The following C8orf34 variants were observed in gnomAD, a reference collection of about 807,000 sequenced individuals.
C8orf34 encodes the protein chromosome 8 open reading frame 34.
C8orf34 carries 65 observed loss-of-function variants against 68.3 expected under a neutral mutation model. That is an observed-to-expected ratio of 0.95 (90% CI 0.78 to 1.17). C8orf34 has a LOEUF of 1.17. Among genes scored for constraint, C8orf34 ranks in the 50% most tolerant of loss-of-function variants. The pLI is 0.00. For synonymous variants in C8orf34, 244 were observed against 241.2 expected, an observed-to-expected ratio of 1.01 and a Z score of -0.11; for missense variants, 664 against 655.4, an observed-to-expected ratio of 1.01 and a Z score of -0.14.
intron 7 of C8orf34, among the ~76,000 whole-genome samples, chr8:68,598,271 A>G (rs751528281): frequency 7.2e-5 from 11 of 152,180 alleles, no homozygotes; most frequent in Non-Finnish European, 1.6e-4. Context: ...GTAGTCAGCA[A>G]TACATTACCC....
At chr8:68,404,073 T>G (rs1380560434) in intron 1 of C8orf34, among the ~76,000 whole-genome samples, 1 of 152,252 alleles carries the variant, frequency 6.6e-6, no homozygotes, top group Admixed American at 6.5e-5. Context: ...CCATTCTTAC[T>G]GGCGTGAGAT....
chr8:68,772,709 T>C (rs927816367), intron 10 of C8orf34, among the ~76,000 whole-genome samples: 3 of 134,582 alleles, frequency 2.2e-5, no homozygotes, highest in African/African-American at 3.0e-5. Context: ...CTCCCTCTCT[T>C]TCTTTCTTTC....
chr8:68,815,353 C>T (rs1004468794), intron 12 of C8orf34, among the ~76,000 whole-genome samples: 19 of 151,284 alleles, frequency 1.3e-4, no homozygotes, highest in Non-Finnish European at 2.5e-4. Flanking sequence ...TGGGTACACA[C>T]ATATATATAT....
At chr8:68,634,109 T>C (rs1585647231) in intron 7 of C8orf34, among the ~76,000 whole-genome samples, 1 of 152,160 alleles carries the variant, frequency 6.6e-6, no homozygotes, top group Admixed American at 6.5e-5. Context: ...ATAAATAATA[T>C]GGGAAGGCTT....
At chr8:68,650,640 C>T (rs372864971) in intron 8 of C8orf34, among the ~76,000 whole-genome samples, 3,284 of 151,806 alleles carry the variant, frequency 0.022, 127 homozygotes, top group African/African-American at 0.072. Flanking sequence ...CCACCACGCC[C>T]GGCTAATTTT....
At chr8:68,600,852 G>A (rs1178877559) in intron 7 of C8orf34, among the ~76,000 whole-genome samples, 1 of 152,082 alleles carries the variant, frequency 6.6e-6, no homozygotes, top group Non-Finnish European at 1.5e-5. Flanking sequence ...TCAAACCTTA[G>A]AACTTGCTCC....
At chr8:68,513,147 C>T (rs2129633477) in intron 5 of C8orf34, among the ~76,000 whole-genome samples, 1 of 152,282 alleles carries the variant, frequency 6.6e-6, no homozygotes, top group Non-Finnish European at 1.5e-5. Context: ...TGCATTTTAC[C>T]AATAACCTTT....
At chr8:68,581,706 C>G (rs1471237340) in intron 7 of C8orf34, among the ~76,000 whole-genome samples, 1 of 152,132 alleles carries the variant, frequency 6.6e-6, no homozygotes, top group Non-Finnish European at 1.5e-5. Flanking sequence ...GTCCTGCGGT[C>G]CCAAAGCTGG....
At chr8:68,639,433 G>T (rs1818938706) in intron 7 of C8orf34, among the ~76,000 whole-genome samples, 1 of 152,004 alleles carries the variant, frequency 6.6e-6, no homozygotes, top group East Asian at 1.9e-4. Flanking sequence ...ACACTCATTT[G>T]TAATATCCAA....
chr8:68,644,577 A>C (rs1222610401), intron 8 of C8orf34, among the ~76,000 whole-genome samples: 1 of 152,238 alleles, frequency 6.6e-6, no homozygotes, highest in Non-Finnish European at 1.5e-5. Flanking sequence ...GGCATGTTCT[A>C]AACTCCTTCA....
chr8:68,813,860 G>A (rs1454960969), intron 12 of C8orf34, among the ~76,000 whole-genome samples: 1 of 152,092 alleles, frequency 6.6e-6, no homozygotes, highest in African/African-American at 2.4e-5. Context: ...TGCTACTTGG[G>A]TGACTTACCC....
chr8:68,486,919 G>T (rs1480220014), intron 4 of C8orf34, among the ~76,000 whole-genome samples: 1 of 152,162 alleles, frequency 6.6e-6, no homozygotes, highest in Non-Finnish European at 1.5e-5. Flanking sequence ...CCCTACAGGG[G>T]TTTGACACCA....
chr8:68,776,341 T>C, intron 10 of C8orf34, 58 bp from the exon 11 acceptor site: 2 of 1,328,140 alleles, frequency 1.5e-6, no homozygotes, highest in Non-Finnish European at 2.2e-6. Flanking sequence ...CACGATTCTT[T>C]CATTCTTTTT....
intron 1 of C8orf34, among the ~76,000 whole-genome samples, chr8:68,358,325 T>C (rs1040243992): frequency 6.6e-6 from 1 of 152,026 alleles, no homozygotes. Context: ...AAAGGCAAGA[T>C]TTGAGCCTTA....
In C8orf34 at chr8:68,818,512, A is replaced by C. The variant is rs988059075; in HGVS notation, c.*266A>C. 12 of 360,152 alleles carry C rather than the reference A, an allele frequency of 3.3e-5. No homozygotes were observed. The highest frequency in any genetic ancestry group is 6.0e-5 in the Non-Finnish European group (12 of 200,280). 22.3% of individuals were successfully genotyped at this position (360,152 alleles called of 1,614,324 possible). A position where few individuals can be genotyped will look rare whatever the true frequency, so the allele number is the denominator to read the frequency against. ...CCTGGGTTTAGATTACTTTATAAAT[A>C]GTTATTAAGATTAATATTTGATATA... is the stretch of plus-strand genomic sequence containing the variant. On this transcript the variant is annotated 3_prime_UTR_variant, in exon 14 of 14. Transcript: ENST00000518698.
rs1006189933 is a variant in C8orf34 at position 68,417,905 on chromosome 8, A to C, written c.328-21594A>C. On this transcript the variant is annotated intron_variant, in intron 1 of 13. Transcript: ENST00000518698. ...TGGGCAGTATGGCCATTTTCAAGAT[A>C]TTGATTCTTCCTACCCATGAGCATG... Among the ~76,000 whole-genome samples, 17 of 151,832 alleles carry C rather than the reference A, an allele frequency of 1.1e-4. 1 individual carries two copies. The highest frequency in any genetic ancestry group is 3.9e-4 in the African/African-American group (16 of 41,270).
chr8:68,778,926 T>C (rs1005226049), intron 11 of C8orf34, among the ~76,000 whole-genome samples: 1 of 152,042 alleles, frequency 6.6e-6, no homozygotes, highest in Non-Finnish European at 1.5e-5. Flanking sequence ...CCTGTAATCC[T>C]AGAACTTTGG....
chr8:68,740,606 C>A (rs1444765135), intron 10 of C8orf34, among the ~76,000 whole-genome samples: 1 of 151,910 alleles, frequency 6.6e-6, no homozygotes, highest in East Asian at 1.9e-4. Flanking sequence ...GGTGGGGTTG[C>A]AGAGAAAAAG....
intron 7 of C8orf34, among the ~76,000 whole-genome samples, chr8:68,635,272 G>T (rs1380996844): frequency 1.3e-5 from 2 of 152,116 alleles, no homozygotes; most frequent in African/African-American, 2.4e-5. Context: ...CTTATTAGTT[G>T]AAAAATGGTA....
Sources: allele counts gnomAD v4.1 joint callset (sites outside exome capture counted in the v4.1 genomes callset), GRCh38; gene constraint gnomAD v4.1.1; transcripts MANE v1.5; gene names NCBI Gene and HGNC (gene_info 2026-07-23, HGNC 2026-07-21).